The following DAB1 variants were observed in gnomAD, a reference collection of about 807,000 sequenced individuals.
DAB1 encodes disabled homolog 1.
A neutral mutation model predicts 64.6 loss-of-function variants in DAB1; 15 were observed. The ratio of observed to expected loss-of-function variants is 0.23; its 90% CI spans 0.16 to 0.36. DAB1 has a LOEUF of 0.36. Ranked by LOEUF, DAB1 falls within the 10% of genes least tolerant of loss-of-function variation. The pLI, the probability that DAB1 is intolerant of heterozygous loss-of-function variation, is 1.00. For missense variants in DAB1, 596 were observed against 706.7 expected, an observed-to-expected ratio of 0.84 and a Z score of 1.78; for synonymous variants, 235 against 251.9, an observed-to-expected ratio of 0.93 and a Z score of 0.64.
intron 5 of DAB1, among the ~76,000 whole-genome samples, chr1:58,141,656 A>G (rs1267065931): frequency 6.6e-6 from 1 of 152,082 alleles, no homozygotes; most frequent in East Asian, 1.9e-4. Context: ...CACCTCCAAC[A>G]TTGGGGATTA....
chr1:57,747,807 CAAAAAAAAAA>C (rs373640023), intron 6 of DAB1, among the ~76,000 whole-genome samples: 24 of 43,962 alleles, frequency 5.5e-4, no homozygotes, highest in African/African-American at 7.6e-4. Context: ...GGACTCTGTC[CAAAAAAAAAA>C]AAAAAAAAAA....
At chr1:57,089,209 T>C (rs926861924) in intron 4 of DAB1, among the ~76,000 whole-genome samples, 1 of 152,226 alleles carries the variant, frequency 6.6e-6, no homozygotes, top group Non-Finnish European at 1.5e-5. Flanking sequence ...TTTCAAACTA[T>C]TCAAAGTGTA....
At chr1:57,708,351 C>G (rs988849350) in intron 6 of DAB1, among the ~76,000 whole-genome samples, 2 of 152,176 alleles carry the variant, frequency 1.3e-5, no homozygotes, top group Non-Finnish European at 2.9e-5. Flanking sequence ...AGACGTCGTT[C>G]TCTGTACTCT....
At chr1:58,139,607 T>C (rs2100712122) in intron 5 of DAB1, among the ~76,000 whole-genome samples, 1 of 152,282 alleles carries the variant, frequency 6.6e-6, no homozygotes, top group East Asian at 1.9e-4. Flanking sequence ...GAGAGGATTA[T>C]GGGAACTACA....
intron 4 of DAB1, among the ~76,000 whole-genome samples, chr1:58,228,265 T>C (rs190707441): frequency 8.3e-4 from 126 of 152,330 alleles, no homozygotes; most frequent in African/African-American, 2.5e-3. Context: ...TAAAACCGAA[T>C]GCTGATAAGC....
At chr1:57,571,023 A>C (rs546344882) in intron 7 of DAB1, among the ~76,000 whole-genome samples, 1 of 152,322 alleles carries the variant, frequency 6.6e-6, no homozygotes, top group East Asian at 1.9e-4. Flanking sequence ...GTTGGTGTAT[A>C]GCAGAAGCTA....
intron 5 of DAB1, among the ~76,000 whole-genome samples, chr1:58,054,101 C>T (rs1490445070): frequency 6.6e-6 from 1 of 152,244 alleles, no homozygotes; most frequent in Non-Finnish European, 1.5e-5. Context: ...CTTTGCATCA[C>T]AATTCTAGGA....
intron 4 of DAB1, among the ~76,000 whole-genome samples, chr1:58,268,856 A>C (rs1429810670): frequency 6.6e-6 from 1 of 152,204 alleles, no homozygotes; most frequent in Non-Finnish European, 1.5e-5. Flanking sequence ...TCTTGATTTC[A>C]ATATGTATTA....
At chr1:58,436,406 T>C (rs530087111) in intron 3 of DAB1, among the ~76,000 whole-genome samples, 1 of 152,334 alleles carries the variant, frequency 6.6e-6, no homozygotes, top group African/African-American at 2.4e-5. Flanking sequence ...GGGAGCTTTC[T>C]CCAACAGAGC....
At chr1:58,122,541 T>C (rs1358551880) in intron 5 of DAB1, among the ~76,000 whole-genome samples, 1 of 152,050 alleles carries the variant, frequency 6.6e-6, no homozygotes, top group African/African-American at 2.4e-5. Flanking sequence ...TAGTAGTTAT[T>C]GGTATTAGGA....
At chr1:57,121,607 G>A (rs1210083484) in intron 4 of DAB1, among the ~76,000 whole-genome samples, 5 of 152,128 alleles carry the variant, frequency 3.3e-5, no homozygotes, top group Non-Finnish European at 1.5e-5. Flanking sequence ...AGAACTGAAT[G>A]TGGTTTTCAT....
chr1:58,419,456 T>G (rs1644751882), intron 3 of DAB1, among the ~76,000 whole-genome samples: 1 of 152,204 alleles, frequency 6.6e-6, no homozygotes, highest in Admixed American at 6.5e-5. Flanking sequence ...TCCTATTACC[T>G]CTTAATGAGA....
chr1:57,197,074 G>T (rs1664682601), intron 2 of DAB1, among the ~76,000 whole-genome samples: 1 of 152,166 alleles, frequency 6.6e-6, no homozygotes, highest in Non-Finnish European at 1.5e-5. Flanking sequence ...CGTGGCTAAC[G>T]CCTGTAATCC....
intron 5 of DAB1, among the ~76,000 whole-genome samples, chr1:57,987,704 A>G (rs1557597400): frequency 6.6e-6 from 1 of 152,194 alleles, no homozygotes; most frequent in Non-Finnish European, 1.5e-5. Flanking sequence ...AGGCTGCACT[A>G]ATTACCATTT....
At chr1:57,940,899 C>T (rs924027051) in intron 5 of DAB1, among the ~76,000 whole-genome samples, 3 of 152,054 alleles carry the variant, frequency 2.0e-5, no homozygotes, top group African/African-American at 7.2e-5. Flanking sequence ...CTGTGGAATC[C>T]CTACGTGATG....
chr1:58,274,104 A>C lies in DAB1; in HGVS notation n.309+69248T>G, dbSNP rs12091827. Among the ~76,000 whole-genome samples, 332 of 139,370 alleles carry C rather than the reference A, an allele frequency of 2.4e-3. 3 individuals carry two copies. Among genetic ancestry groups the C allele is most frequent in the African/African-American group, 8.5e-3 (320 of 37,548 alleles). The allele number at this position is 139,370 out of a possible 152,430, so 91.4% of individuals were successfully genotyped here. A position where few individuals can be genotyped will look rare whatever the true frequency, so the allele number is the denominator to read the frequency against. Reference sequence around the variant, plus strand: ...AGGTGCTCTGCATTTTAGAGTTTCCAGTTTTTCTGTTCTGTTTTTTCCCCA... The same window carrying C: ...AGGTGCTCTGCATTTTAGAGTTTCCCGTTTTTCTGTTCTGTTTTTTCCCCA... On this transcript the variant is annotated intron_variant and non_coding_transcript_variant, in intron 4 of 20. Transcript: ENST00000485760.
intron 3 of DAB1, among the ~76,000 whole-genome samples, chr1:58,498,001 C>T (rs776712505): frequency 2.6e-5 from 4 of 152,132 alleles, no homozygotes; most frequent in Non-Finnish European, 5.9e-5. Context: ...TTCATCTCAA[C>T]TAAGAACTAT....
intron 2 of DAB1, among the ~76,000 whole-genome samples, chr1:57,156,092 T>C (rs984165913): frequency 6.6e-6 from 1 of 152,114 alleles, no homozygotes; most frequent in African/African-American, 2.4e-5. Context: ...GGGGTACACA[T>C]ATATATCACT....
chr1:57,170,336 C>T (rs1282800225), intron 2 of DAB1, among the ~76,000 whole-genome samples: 1 of 152,046 alleles, frequency 6.6e-6, no homozygotes, highest in Non-Finnish European at 1.5e-5. Context: ...ATAATTTTTT[C>T]CTTTAACACT....
Sources: allele counts gnomAD v4.1 joint callset (sites outside exome capture counted in the v4.1 genomes callset), GRCh38; gene constraint gnomAD v4.1.1; transcripts MANE v1.5; gene names NCBI Gene and HGNC (gene_info 2026-07-23, HGNC 2026-07-21).